The following UNC79 variants were observed in gnomAD, a reference collection of about 807,000 sequenced individuals.
UNC79 encodes the protein protein unc-79 homolog.
Under a neutral mutation model 283.1 loss-of-function variants are expected in UNC79, and 37 were observed. The ratio of observed to expected loss-of-function variants is 0.13; its 90% CI spans 0.10 to 0.17. The LOEUF (loss-of-function observed/expected upper bound fraction) is 0.17, where lower values mean the gene tolerates loss of function less well. UNC79 is among the 10% of genes least tolerant of loss of function. The probability of loss-of-function intolerance (pLI) is 1.00; values close to 1 mark genes in which losing one functional copy is unlikely to be tolerated. For missense variants in UNC79, 2,272 were observed against 3,211.1 expected, an observed-to-expected ratio of 0.71 and a Z score of 7.07; for synonymous variants, 1,107 against 1,200.2, an observed-to-expected ratio of 0.92 and a Z score of 1.61.
chr14:93,642,891 C>T (rs1176820706), intron 33 of UNC79, among the ~76,000 whole-genome samples: 1 of 152,142 alleles, frequency 6.6e-6, no homozygotes, highest in Non-Finnish European at 1.5e-5. Context: ...TGGCTTTGGT[C>T]GTGTTGAATG....
chr14:93,623,090 C>T (rs1169008742), intron 30 of UNC79, among the ~76,000 whole-genome samples: 1 of 152,204 alleles, frequency 6.6e-6, no homozygotes, highest in Non-Finnish European at 1.5e-5. Flanking sequence ...TTCTTGACCA[C>T]CCTTGGCAAT....
At position 93,587,055 on chromosome 14, in the gene UNC79, C is replaced by G. The variant is rs188234607; in HGVS notation, c.3032+147C>G. 2,550 of 925,882 alleles carry G rather than the reference C, an allele frequency of 2.8e-3. 9 individuals carry two copies. Among genetic ancestry groups the G allele is most frequent in the Non-Finnish European group, 3.4e-3 (2,240 of 657,018 alleles). 57.4% of individuals were successfully genotyped at this position (925,882 alleles called of 1,614,324 possible). ...GCCTATGATAACTACTTTTATTTTT[C>G]TTTTTTAGTCTAATTTAAAAGTACG... On this transcript the variant is annotated intron_variant, in intron 22 of 48. Coordinates refer to ENST00000555664, the Ensembl canonical transcript of UNC79.
chr14:93,652,242 A>G (rs548110349), intron 35 of UNC79, among the ~76,000 whole-genome samples: 1 of 151,992 alleles, frequency 6.6e-6, no homozygotes, highest in African/African-American at 2.4e-5. Context: ...AGGTATTTCC[A>G]GTTTGAGGGT....
exon 24 of UNC79, chr14:93,597,426 G>A (rs772259327): frequency 1.9e-6 from 3 of 1,614,180 alleles, no homozygotes; most frequent in South Asian, 1.1e-5. Flanking sequence ...ACCTGCTGAA[G>A]TACTCCCTGG....
chr14:93,501,985 T>C (rs1233889332), intron 7 of UNC79, among the ~76,000 whole-genome samples: 2 of 152,192 alleles, frequency 1.3e-5, no homozygotes, highest in African/African-American at 4.8e-5. Flanking sequence ...TTTCTAAACA[T>C]AGTTAACATA....
chr14:93,647,504 A>G (rs1270973657), intron 35 of UNC79, among the ~76,000 whole-genome samples: 1 of 152,238 alleles, frequency 6.6e-6, no homozygotes, highest in Non-Finnish European at 1.5e-5. Flanking sequence ...AGTAATTTAT[A>G]GAAATAACAT....
At chr14:93,371,823 G>T (rs1313641475) in intron 1 of UNC79, among the ~76,000 whole-genome samples, 3 of 151,578 alleles carry the variant, frequency 2.0e-5, no homozygotes, top group Non-Finnish European at 4.4e-5. Context: ...CTAGGGGAAA[G>T]ATCGAGACTC....
rs141642207 is a variant in UNC79, at chr14:93,659,211, T to C, written c.6475T>C (p.Leu2159=). The C allele has an allele frequency of 9.9e-6, 16 of 1,611,362 alleles. No individual in the cohort carries two copies. In the African/African-American group the frequency reaches 2.0e-4, roughly 20 times the overall value. The change falls in exon 39 of 49, where the codon TTA becomes CTA. Residue 2159 remains leucine, a synonymous_variant. Transcript: ENST00000555664. ...TTCACAGTGTTCTTTAGATTCCAGTTTAAGAATTATGATTTGCCTCTTGAA... is the reference window on the plus strand; with the variant it reads ...TTCACAGTGTTCTTTAGATTCCAGTCTAAGAATTATGATTTGCCTCTTGAA...
At chr14:93,408,586 G>C (rs1441273966) in intron 1 of UNC79, among the ~76,000 whole-genome samples, 1 of 152,186 alleles carries the variant, frequency 6.6e-6, no homozygotes, top group Non-Finnish European at 1.5e-5. Flanking sequence ...CAGCTATTCA[G>C]GAGGCTGAGG....
At chr14:93,640,393 C>T (rs1426738228) in intron 32 of UNC79, among the ~76,000 whole-genome samples, 1 of 152,190 alleles carries the variant, frequency 6.6e-6, no homozygotes, top group Admixed American at 6.5e-5. Context: ...TTTTGGGAGG[C>T]TGAGGTGGGA....
At chr14:93,675,394 G>T (rs895045173) in intron 41 of UNC79, among the ~76,000 whole-genome samples, 2 of 152,122 alleles carry the variant, frequency 1.3e-5, no homozygotes, top group Non-Finnish European at 2.9e-5. Context: ...GGAAACAGAA[G>T]AATCAGCCAT....
At chr14:93,579,119 A>C (rs777482585) in intron 18 of UNC79, among the ~76,000 whole-genome samples, 1 of 152,056 alleles carries the variant, frequency 6.6e-6, no homozygotes, top group Non-Finnish European at 1.5e-5. Context: ...TGGGTCATGC[A>C]TTTTTTTGGC....
rs1318296898 is a variant in UNC79 at position 93,621,872 on chromosome 14, C to T, written c.4639C>T (p.Arg1547Cys). 1.9e-6 allele frequency: 3 copies of T among 1,614,074 alleles called. No individual in the cohort carries two copies. The highest frequency in any genetic ancestry group is 2.2e-5 in the East Asian group (1 of 44,866). Residue 1547 changes from arginine (R) to cysteine (C), a missense_variant, in exon 30 of 49, where the codon CGT (arginine) becomes TGT (cysteine). By Grantham distance (180) the Arg-to-Cys change is radical. Coordinates refer to ENST00000555664, the Ensembl canonical transcript of UNC79. This position sits in a 1 kb window ranked among gnomAD's most constrained non-coding sequence, Gnocchi z 4.8. Reference sequence around the variant, plus strand: ...CGCACAAAGACCAAACGACCCTGGACGTTCTAGACAGAACTCTGCTACGAG... The same window carrying T: ...CGCACAAAGACCAAACGACCCTGGATGTTCTAGACAGAACTCTGCTACGAG...
chr14:93,689,993 GT>G, intron 44 of UNC79, 123 bp from the exon 48 acceptor site: 1 of 1,061,084 alleles, frequency 9.4e-7, no homozygotes, highest in Admixed American at 2.3e-5. Flanking sequence ...TTGCCTTGGC[GT>G]TTTGTTTTAT....
chr14:93,373,919 G>A (rs1347832223), intron 1 of UNC79, among the ~76,000 whole-genome samples: 1 of 152,176 alleles, frequency 6.6e-6, no homozygotes, highest in Non-Finnish European at 1.5e-5. Context: ...ATGACTAAGT[G>A]GGATTTATCC....
At chr14:93,423,922 G>A (rs1181901898) in intron 1 of UNC79, among the ~76,000 whole-genome samples, 1 of 152,080 alleles carries the variant, frequency 6.6e-6, no homozygotes, top group Non-Finnish European at 1.5e-5. Flanking sequence ...CATAGTGAAG[G>A]GCTAACCCAC....
At chr14:93,530,978 T>A (rs1282836786) in intron 10 of UNC79, among the ~76,000 whole-genome samples, 1 of 152,178 alleles carries the variant, frequency 6.6e-6, no homozygotes, top group African/African-American at 2.4e-5. Flanking sequence ...TTTGGGCTCA[T>A]ATGGGTAAAT....
intron 14 of UNC79, among the ~76,000 whole-genome samples, chr14:93,545,730 TG>T (rs970201710): frequency 4.6e-5 from 7 of 152,242 alleles, no homozygotes; most frequent in African/African-American, 1.7e-4. Context: ...TGTAACTGCC[TG>T]ATGGGTTCTT....
At chr14:93,665,628 A>T (rs1399022546) in intron 40 of UNC79, among the ~76,000 whole-genome samples, 1 of 151,986 alleles carries the variant, frequency 6.6e-6, no homozygotes, top group East Asian at 1.9e-4. Flanking sequence ...AAGACAAAGA[A>T]AATATTTTCA....
Sources: gnomAD v4.1 joint callset for allele counts (sites outside exome capture counted in the v4.1 genomes callset) on GRCh38, gnomAD v4.1.1 for gene constraint, Gnocchi (gnomAD v3.1) non-coding constraint, MANE v1.5 for transcripts, NCBI Gene and HGNC (gene_info 2026-07-23, HGNC 2026-07-21) for gene names.